The following LONP2 variants were observed in gnomAD, a reference collection of about 807,000 sequenced individuals.
LONP2 encodes the protein lon peptidase 2, peroxisomal, also known as lon protease homolog 2, peroxisomal.
A neutral mutation model predicts 85.6 loss-of-function variants in LONP2; 60 were observed. The observed-to-expected ratio is 0.70, with a 90% CI of 0.57 to 0.87. The LOEUF (loss-of-function observed/expected upper bound fraction) is 0.87, where lower values mean the gene tolerates loss of function less well. LONP2 is among the 40% of genes least tolerant of loss of function. The pLI, the probability that LONP2 is intolerant of heterozygous loss-of-function variation, is 0.00. For synonymous variants in LONP2, 395 were observed against 389.7 expected (o/e 1.01, Z -0.16); for missense variants, 860 against 1,063.5 (o/e 0.81, Z 2.66).
At chr16:48,303,541 A>G (rs1236945917) in intron 11 of LONP2, among the ~76,000 whole-genome samples, 1 of 152,232 alleles carries the variant, frequency 6.6e-6, no homozygotes, top group African/African-American at 2.4e-5. Flanking sequence ...CTTTGAGGAT[A>G]TAGGAACTGT....
intron 5 of LONP2, among the ~76,000 whole-genome samples, chr16:48,262,324 TTG>T (rs1971895531): frequency 6.6e-6 from 1 of 152,186 alleles, no homozygotes; most frequent in Admixed American, 6.5e-5. Context: ...TTACATCTTA[TTG>T]TGATAAGTAA....
chr16:48,267,914 C>T (rs1972025535), intron 6 of LONP2, among the ~76,000 whole-genome samples: 1 of 152,104 alleles, frequency 6.6e-6, no homozygotes, highest in Admixed American at 6.5e-5. Context: ...CCGAGCCTGG[C>T]CCCCCATTCA....
chr16:48,342,223 G>T (rs1332213833), intron 12 of LONP2, among the ~76,000 whole-genome samples: 4 of 152,104 alleles, frequency 2.6e-5, no homozygotes, highest in Non-Finnish European at 2.9e-5. Context: ...TTGTCTAAAG[G>T]TTACTGCCCT....
intron 2 of LONP2, among the ~76,000 whole-genome samples, chr16:48,254,654 A>G (rs1241410194): frequency 6.6e-6 from 1 of 152,100 alleles, no homozygotes. Context: ...AATTGAATCT[A>G]TGCTTTCCCA....
intron 11 of LONP2, among the ~76,000 whole-genome samples, chr16:48,314,452 CT>C (rs1446938113): frequency 6.6e-6 from 1 of 152,100 alleles, no homozygotes; most frequent in Non-Finnish European, 1.5e-5. Context: ...ACATTTAAGT[CT>C]TTAATTCATC....
intron 11 of LONP2, 127 bp from the exon 12 acceptor site, chr16:48,334,089 C>G (rs1280008952): frequency 1.0e-5 from 8 of 773,368 alleles, no homozygotes; most frequent in Non-Finnish European, 1.6e-5. Flanking sequence ...GAATGTTTGC[C>G]TTGATAAATG....
At position 48,351,799 on chromosome 16, in the gene LONP2, G is replaced by A; in HGVS notation, c.2556G>A (p.Leu852=). ...GACCTGGTCTGTTAAATAGCAAACT[G>A]TAGGTCCAAATCTCAATTTTTTAGA... ...KTRPGLLNSK[L] The change falls in exon 15 of 15, where the codon CTG becomes CTA. Residue 852 remains leucine (L), a synonymous_variant. Transcript: ENST00000285737. 2 of 1,613,128 alleles carry A rather than the reference G, an allele frequency of 1.2e-6. No homozygotes were observed. The highest frequency in any genetic ancestry group is 1.7e-6 in the Non-Finnish European group (2 of 1,179,272).
chr16:48,258,546 T>G, intron 3 of LONP2, 72 bp from the exon 4 acceptor site: 3 of 1,467,568 alleles, frequency 2.0e-6, no homozygotes, highest in Non-Finnish European at 2.7e-6. Flanking sequence ...ATTTAAACCA[T>G]GGCTCTGACT....
chr16:48,262,988 C>A (rs1251043764), intron 6 of LONP2, 116 bp downstream of exon 6: 2 of 694,412 alleles, frequency 2.9e-6, no homozygotes, highest in Middle Eastern at 4.0e-4. Flanking sequence ...TTTTTGTTTT[C>A]AATTTTTTTG....
intron 7 of LONP2, among the ~76,000 whole-genome samples, chr16:48,272,711 A>G (rs758186573): frequency 1.5e-4 from 23 of 152,222 alleles, no homozygotes; most frequent in Middle Eastern, 3.2e-3. Flanking sequence ...CCTTGCTGGT[A>G]AGTGTTACTT....
chr16:48,355,448 G>A lies in LONP2; in HGVS notation c.*3646G>A, dbSNP rs1419381755. ...GATGATACCAGTCTGCCAGCACGCTGATCGTGGGCTTCTCAGTCTTCACAA... is the reference window on the plus strand; with the variant it reads ...GATGATACCAGTCTGCCAGCACGCTAATCGTGGGCTTCTCAGTCTTCACAA... On this transcript the variant is annotated 3_prime_UTR_variant, in exon 15 of 15. Transcript: ENST00000285737. 6.6e-6 allele frequency: 1 copy of A among 152,178 alleles called. No homozygotes were observed. Among genetic ancestry groups the A allele is most frequent in the Non-Finnish European group, 1.5e-5 (1 of 68,032 alleles). 9.4% of individuals were successfully genotyped at this position (152,178 alleles called of 1,614,324 possible). A position where few individuals can be genotyped will look rare whatever the true frequency, so the allele number is the denominator to read the frequency against.
At chr16:48,298,626 G>GGTGTGTGTGTGTGT (rs3138605) in intron 9 of LONP2, among the ~76,000 whole-genome samples, 226 of 134,392 alleles carry the variant, frequency 1.7e-3, no homozygotes, top group Middle Eastern at 3.9e-3. Flanking sequence ...ATTTAATTGA[G>GGTGTGTGTGTGTGT]GTGTGTGTGT....
chr16:48,286,225 T>C (rs1972439313), intron 8 of LONP2, among the ~76,000 whole-genome samples: 2 of 149,828 alleles, frequency 1.3e-5, no homozygotes, highest in South Asian at 4.2e-4. Context: ...CACTGCAAGC[T>C]CCGCCTCCCA....
At chr16:48,361,997 T>C (rs1960615582), downstream of LONP2, 3 of 1,614,080 alleles carry the variant, frequency 1.9e-6, no homozygotes, top group South Asian at 3.3e-5. Flanking sequence ...GATGGGGCAT[T>C]ACAGCATCCA....
chr16:48,307,918 A>G (rs72802170), intron 11 of LONP2, among the ~76,000 whole-genome samples: 467 of 152,216 alleles, frequency 3.1e-3, no homozygotes, highest in Admixed American at 4.3e-3. Flanking sequence ...ATGGAGGACA[A>G]TGGGAGAGCA....
chr16:48,290,728 G>A (rs987386006), intron 8 of LONP2, among the ~76,000 whole-genome samples: 12 of 152,294 alleles, frequency 7.9e-5, no homozygotes, highest in African/African-American at 2.9e-4. Context: ...TCACCTTCCT[G>A]GAAGCTTCCT....
intron 2 of LONP2, among the ~76,000 whole-genome samples, chr16:48,252,621 C>G (rs1971678747): frequency 1.3e-5 from 2 of 152,274 alleles, no homozygotes; most frequent in South Asian, 2.1e-4. Context: ...TGTCTCTAAA[C>G]TAGATAATTA....
rs1415615844 is a variant in LONP2 at position 48,354,717 on chromosome 16, A to AC, written c.*2916dup. ...AACTGCTCGAACAGTCACTGGGGCA[A>AC]CTACTTTTCGCCCAGTGTCCTCCAG... On this transcript the variant is annotated 3_prime_UTR_variant, in exon 15 of 15. Transcript: ENST00000285737. 1 of 152,214 alleles carries AC rather than the reference A, an allele frequency of 6.6e-6. No individual in the cohort carries two copies. The highest frequency in any genetic ancestry group is 1.5e-5 in the Non-Finnish European group (1 of 68,046). The allele number at this position is 152,214 out of a possible 1,614,324, so 9.4% of individuals were successfully genotyped here.
rs16946046 is a variant in LONP2, at chr16:48,274,201, C to A, written c.1242-3137C>A. Among the ~76,000 whole-genome samples, 26 of 152,296 alleles carry A rather than the reference C, an allele frequency of 1.7e-4. No homozygotes were observed. The East Asian group carries it at 4.8e-3, about 28-fold the overall frequency. On this transcript the variant is annotated intron_variant, in intron 7 of 14. Transcript: ENST00000285737. Reference sequence around the variant, plus strand: ...ATGTAAGTGCAGTCAGTTATGATTTCACTCTTCTCTAAACTGACCACCTAT... The same window carrying A: ...ATGTAAGTGCAGTCAGTTATGATTTAACTCTTCTCTAAACTGACCACCTAT...
Sources: allele counts gnomAD v4.1 joint callset (sites outside exome capture counted in the v4.1 genomes callset), GRCh38; gene constraint gnomAD v4.1.1; transcripts MANE v1.5; gene names NCBI Gene and HGNC (gene_info 2026-07-23, HGNC 2026-07-21).